LIMD2: variants seen among roughly 807,000 people sequenced by gnomAD.
LIMD2 encodes the protein LIM domain-containing protein 2.
In LIMD2, 11 loss-of-function variants were observed where a neutral mutation model predicts 16.0. The observed-to-expected ratio is 0.69, with a 90% CI of 0.43 to 1.14. LIMD2 has a LOEUF of 1.14. Among genes scored for constraint, LIMD2 ranks in the 50% most tolerant of loss-of-function variants. The pLI is 0.00. For synonymous variants in LIMD2, 60 were observed against 67.1 expected, an observed-to-expected ratio of 0.89 and a Z score of 0.52; for missense variants, 168 against 165.8, an observed-to-expected ratio of 1.01 and a Z score of -0.07.
chr17:63,700,249 C>A (rs1444786807), upstream of LIMD2: 14 of 759,878 alleles, frequency 1.8e-5, no homozygotes, highest in Admixed American at 6.3e-5. The surrounding 1 kb of genome is among the most constrained non-coding windows in gnomAD (Gnocchi z 7.1). Flanking sequence ...CGCCGCCGAC[C>A]CCCCTCCGCG....
intron 1 of LIMD2, chr17:63,699,610 G>T (rs2035753482): frequency 5.8e-6 from 2 of 346,106 alleles, no homozygotes. Flanking sequence ...CGCAGCCGCC[G>T]TGTGCGTCCC....
chr17:63,696,861 T>TGAG lies in LIMD2; in HGVS notation c.*1688_*1690dup, dbSNP rs2035701673. The TGAG allele has an allele frequency of 6.6e-6, 1 of 152,354 alleles. No individual in the cohort carries two copies. The highest frequency in any genetic ancestry group is 1.5e-5 in the Non-Finnish European group (1 of 68,158). 9.4% of individuals were successfully genotyped at this position (152,354 alleles called of 1,614,324 possible). A position where few individuals can be genotyped will look rare whatever the true frequency, so the allele number is the denominator to read the frequency against. On this transcript the variant is annotated 3_prime_UTR_variant, in exon 5 of 5. Transcript: ENST00000259006. ...ATCCAGGCCGGGGCACCATCTCTGC[T>TGAG]GAGTATTCGCTCTGCTCCCTCGAGG...
rs1220453101 is a variant in LIMD2 at position 63,698,360 on chromosome 17, A to G, written c.*192T>C. ...TGGGCAGACCCCAATCCTGGTTTCC[A>G]AACCCTCACCGGCTGCGGGAGAAGG... On this transcript the variant is annotated 3_prime_UTR_variant, in exon 5 of 5. Coordinates refer to ENST00000259006, the MANE Select transcript of LIMD2 (RefSeq NM_030576.4). The G allele has an allele frequency of 1.4e-6, 1 of 706,958 alleles. No homozygotes were observed. The highest frequency in any genetic ancestry group is 2.3e-6 in the Non-Finnish European group (1 of 435,676). The allele number at this position is 706,958 out of a possible 1,614,324, so 43.8% of individuals were successfully genotyped here. A position where few individuals can be genotyped will look rare whatever the true frequency, so the allele number is the denominator to read the frequency against.
At chr17:63,700,131 G>GCCA, upstream of LIMD2, 1 of 984,418 alleles carries the variant, frequency 1.0e-6, no homozygotes, top group African/African-American at 1.8e-5. This position sits in a 1 kb window ranked among gnomAD's most constrained non-coding sequence, Gnocchi z 7.1. Flanking sequence ...TGGTCCCCGA[G>GCCA]CCACCGCCGC....
Position 63,698,903 on chromosome 17 carries a change from G to T in LIMD2, c.120C>A (p.Cys40Ter). 2 of 1,612,794 alleles carry T rather than the reference G, an allele frequency of 1.2e-6. No homozygotes were observed. Among genetic ancestry groups the T allele is most frequent in the Non-Finnish European group, 1.7e-6 (2 of 1,179,928 alleles). The part of the protein sequence containing the change: ...FSLRAQVKET[C>*]AACQKTVYPM... The stretch of plus-strand genomic sequence containing the variant: ...GGTACACGGTCTTCTGGCAGGCGGC[G>T]CAGGTCTCCTTCACCTGGGCCCGCA... The change falls in exon 4 of 5, where the codon TGC becomes TGA. Residue 40 changes from cysteine to a stop codon, truncating the protein, a stop_gained. Coordinates refer to ENST00000259006, the MANE Select transcript of LIMD2 (RefSeq NM_030576.4). LOFTEE classifies it high-confidence loss of function.
chr17:63,699,831 C>A, intron 1 of LIMD2: 1 of 983,914 alleles, frequency 1.0e-6, no homozygotes, highest in Non-Finnish European at 1.2e-6. Context: ...GACCCCAGAC[C>A]CCGACGCCGC....
Position 63,698,851 on chromosome 17 carries a change from G to C in LIMD2, c.172C>G (p.Leu58Val). 6.2e-7 allele frequency: 1 copy of C among 1,612,836 alleles called. No homozygotes were observed. Among genetic ancestry groups the C allele is most frequent in the South Asian group, 1.1e-5 (1 of 91,084 alleles). The change falls in exon 4 of 5, where the codon CTC (leucine) becomes GTC (valine). Residue 58 changes from leucine (L) to valine (V), a missense_variant. Transcript: ENST00000259006. Reference protein sequence around the residue: ...YPMERLVADKLIFHNSCFCCK... With the variant: ...YPMERLVADKVIFHNSCFCCK... ...CAGAAGCAAGAGTTGTGGAAAATGAGCTTGTCGGCCACCAGCCGCTCCATG... is the reference window on the plus strand; with the variant it reads ...CAGAAGCAAGAGTTGTGGAAAATGACCTTGTCGGCCACCAGCCGCTCCATG...
upstream of LIMD2, chr17:63,700,268 T>A: frequency 1.8e-6 from 1 of 556,952 alleles, no homozygotes; most frequent in Non-Finnish European, 2.3e-6. The surrounding 1 kb of genome is among the most constrained non-coding windows in gnomAD (Gnocchi z 7.1). Flanking sequence ...CGCTTTGTCT[T>A]CCCCTCGCCG....
chr17:63,698,660 G>A lies in LIMD2; in HGVS notation c.276C>T (p.Phe92=), dbSNP rs372045125. ...LHGEFYCKPH[F]QQLFKSKGNY... ...TGCCTTTGCTCTTAAACAGCTGCTG[G>A]AAGTGGGGTTTGCAGTAGAACTCCC... Residue 92 remains phenylalanine (F), a synonymous_variant, in exon 5 of 5, where the codon TTC becomes TTT. Transcript: ENST00000259006. 16 of 1,613,812 alleles carry A rather than the reference G, an allele frequency of 9.9e-6. No homozygotes were observed. Among genetic ancestry groups the A allele is most frequent in the Non-Finnish European group, 1.3e-5 (15 of 1,180,016 alleles).
intron 1 of LIMD2, 64 bp from the exon 2 acceptor site, chr17:63,699,412 G>A: frequency 6.9e-7 from 1 of 1,456,086 alleles, no homozygotes; most frequent in African/African-American, 1.4e-5. Flanking sequence ...GGTGGGGGGT[G>A]TTGACAGGCA....
In LIMD2 at chr17:63,700,115, T is replaced by C. The variant is rs1287194110; in HGVS notation, c.-134A>G. 10 of 984,046 alleles carry C rather than the reference T, an allele frequency of 1.0e-5. No individual in the cohort carries two copies. The highest frequency in any genetic ancestry group is 8.8e-5 in the African/African-American group (5 of 56,566). 61.0% of individuals were successfully genotyped at this position (984,046 alleles called of 1,614,324 possible). On this transcript the variant is annotated 5_prime_UTR_variant, in exon 1 of 5. Coordinates refer to ENST00000259006, the MANE Select transcript of LIMD2 (RefSeq NM_030576.4). The surrounding 1 kb of genome is among the most constrained non-coding windows in gnomAD (Gnocchi z 7.1). ...GGGCGCGGGCGCGAGCTGCTGCCGC[T>C]ACCAGTGGTCCCCGAGCCACCGCCG... is the stretch of plus-strand genomic sequence containing the variant.
upstream of LIMD2, chr17:63,700,131 G>A: frequency 3.0e-6 from 3 of 984,418 alleles, no homozygotes; most frequent in Non-Finnish European, 3.6e-6. The surrounding 1 kb of genome is among the most constrained non-coding windows in gnomAD (Gnocchi z 7.1). Context: ...TGGTCCCCGA[G>A]CCACCGCCGC....
upstream of LIMD2, chr17:63,700,818 C>CCGGCAGCCT (rs2035774709): frequency 6.6e-6 from 1 of 151,776 alleles, no homozygotes; most frequent in Admixed American, 6.6e-5. The surrounding 1 kb of genome is among the most constrained non-coding windows in gnomAD (Gnocchi z 7.1). Flanking sequence ...CCCGGCAGCC[C>CCGGCAGCCT]CGGCAGCCCC....
At chr17:63,699,812 C>A (rs2035758303) in intron 1 of LIMD2, 1 of 973,322 alleles carries the variant, frequency 1.0e-6, no homozygotes, top group African/African-American at 1.8e-5. Flanking sequence ...CCTGGCCCCG[C>A]GAGGACCGGA....
chr17:63,699,890 A>C (rs1405641528), intron 1 of LIMD2, 142 bp downstream of exon 1: 1 of 983,612 alleles, frequency 1.0e-6, no homozygotes, highest in Non-Finnish European at 1.2e-6. Context: ...GCCGGCCCTG[A>C]AACGAGGACT....
Position 63,698,399 on chromosome 17 carries a change from T to G in LIMD2, c.*153A>C, listed in dbSNP as rs773335556. The G allele has an allele frequency of 2.3e-6, 2 of 858,560 alleles. No homozygotes were observed. Among genetic ancestry groups the G allele is most frequent in the Non-Finnish European group, 3.5e-6 (2 of 573,208 alleles). The allele number at this position is 858,560 out of a possible 1,614,324, so 53.2% of individuals were successfully genotyped here. On this transcript the variant is annotated 3_prime_UTR_variant, in exon 5 of 5. Coordinates refer to ENST00000259006, the MANE Select transcript of LIMD2 (RefSeq NM_030576.4). ...TGCGGGAGAAGGAAGAAGGAAGGAGTCCTGGAGCAGAGCCCTGCCCTGGTC... is the reference window on the plus strand; with the variant it reads ...TGCGGGAGAAGGAAGAAGGAAGGAGGCCTGGAGCAGAGCCCTGCCCTGGTC...
chr17:63,699,751 GC>G (rs1273164739), intron 1 of LIMD2: 1 of 792,810 alleles, frequency 1.3e-6, no homozygotes, highest in Non-Finnish European at 1.5e-6. Context: ...AGGCTGCGCA[GC>G]CCCTGGACAG....
rs766786905 is a variant in LIMD2 at position 63,698,581 on chromosome 17, C to G, written c.355G>C (p.Glu119Gln). 1.9e-6 allele frequency: 3 copies of G among 1,613,812 alleles called. No homozygotes were observed. The East Asian group carries it at 6.7e-5, about 36-fold the overall frequency. ...GCCGTCTTGGTGCCGGGGTCCACCT[C>G]CTTGTGGGCCCAGAGCTCCTTGTGC... is the stretch of plus-strand genomic sequence containing the variant. Reference protein sequence around the residue: ...KQHKELWAHKEVDPGTKTA With the variant: ...KQHKELWAHKQVDPGTKTA The change falls in exon 5 of 5, where the codon GAG (glutamate) becomes CAG (glutamine). Residue 119 changes from glutamate to glutamine, a missense_variant. Coordinates refer to ENST00000259006, the MANE Select transcript of LIMD2 (RefSeq NM_030576.4).
At position 63,697,450 on chromosome 17, in the gene LIMD2, C is replaced by G. The variant is rs1008636494; in HGVS notation, c.*1102G>C. On this transcript the variant is annotated 3_prime_UTR_variant, in exon 5 of 5. Transcript: ENST00000259006. ...GCCAGGGAACGCGGCAGCTTGCACC[C>G]CAGGCACTGAAGTGCAGCGAGGACA... The G allele has an allele frequency of 2.6e-5, 4 of 152,352 alleles. No individual in the cohort carries two copies. Among genetic ancestry groups the G allele is most frequent in the Admixed American group, 2.6e-4 (4 of 15,290 alleles). The allele number at this position is 152,352 out of a possible 1,614,324, so 9.4% of individuals were successfully genotyped here.
Sources: allele counts gnomAD v4.1 joint callset, GRCh38; gene constraint gnomAD v4.1.1; non-coding constraint Gnocchi (gnomAD v3.1); transcripts MANE v1.5; gene names NCBI Gene and HGNC (gene_info 2026-07-23, HGNC 2026-07-21).